The following GSG1L variants were observed in gnomAD, a reference collection of about 807,000 sequenced individuals.
The protein encoded by GSG1L is GSG1 like.
In GSG1L, 24 loss-of-function variants were observed where a neutral mutation model predicts 42.1. The ratio of observed to expected loss-of-function variants is 0.57; its 90% confidence interval spans 0.41 to 0.80. The LOEUF (loss-of-function observed/expected upper bound fraction) is 0.80, where lower values mean the gene tolerates loss of function less well. Among genes scored for constraint, GSG1L ranks in the 30% least tolerant of loss-of-function variants. GSG1L has a pLI of 0.00. For synonymous variants in GSG1L, 215 were observed against 203.5 expected (o/e 1.06, Z -0.48); for missense variants, 445 against 472.2 (o/e 0.94, Z 0.53).
chr16:27,971,206 T>A (rs937177705), intron 1 of GSG1L, among the ~76,000 whole-genome samples: 8 of 152,212 alleles, frequency 5.3e-5, no homozygotes, highest in African/African-American at 1.9e-4. Flanking sequence ...TGAAAGGGAT[T>A]GCACTGAATC....
intron 2 of GSG1L, among the ~76,000 whole-genome samples, chr16:27,909,384 T>C (rs2084355904): frequency 1.2e-5 from 1 of 81,374 alleles, no homozygotes. Flanking sequence ...TCTTTTTCTT[T>C]TTTTTTTTTT....
chr16:27,853,487 G>T (rs1006329452), intron 3 of GSG1L, among the ~76,000 whole-genome samples: 5 of 152,178 alleles, frequency 3.3e-5, no homozygotes, highest in Non-Finnish European at 7.4e-5. Flanking sequence ...GACACGGGGA[G>T]GGGGGTGAGC....
intron 2 of GSG1L, among the ~76,000 whole-genome samples, chr16:27,930,096 G>A (rs184333005): frequency 1.3e-5 from 2 of 152,052 alleles, no homozygotes; most frequent in South Asian, 2.1e-4. Context: ...CTCTGGGGTT[G>A]AAGGGCCTCC....
intron 2 of GSG1L, among the ~76,000 whole-genome samples, chr16:27,915,183 C>T (rs1236547777): frequency 1.4e-5 from 2 of 144,298 alleles, no homozygotes; most frequent in Non-Finnish European, 3.0e-5. Context: ...GGTGTCTCTT[C>T]CCCCAGAGGA....
intron 2 of GSG1L, among the ~76,000 whole-genome samples, chr16:27,918,244 T>G (rs966995150): frequency 6.6e-6 from 1 of 152,002 alleles, no homozygotes; most frequent in Non-Finnish European, 1.5e-5. Context: ...AGTCACAAAC[T>G]ACATGGCCTG....
intron 1 of GSG1L, among the ~76,000 whole-genome samples, chr16:28,006,008 G>A (rs2085633033): frequency 6.6e-6 from 1 of 152,152 alleles, no homozygotes; most frequent in Non-Finnish European, 1.5e-5. Context: ...TAATAGCAGA[G>A]AACCTTCCCC....
At chr16:27,961,192 C>T (rs535445606) in intron 2 of GSG1L, among the ~76,000 whole-genome samples, 1 of 152,350 alleles carries the variant, frequency 6.6e-6, no homozygotes, top group South Asian at 2.1e-4. Flanking sequence ...CACATGCTCA[C>T]CCAGCTCATC....
intron 2 of GSG1L, among the ~76,000 whole-genome samples, chr16:27,892,827 C>G (rs1052865678): frequency 2.1e-5 from 3 of 144,972 alleles, no homozygotes; most frequent in African/African-American, 7.6e-5. Flanking sequence ...TAAGGAAAAA[C>G]TAAGTCAATG....
At chr16:28,027,437 G>C (rs1408323657) in intron 1 of GSG1L, among the ~76,000 whole-genome samples, 1 of 152,126 alleles carries the variant, frequency 6.6e-6, no homozygotes, top group Non-Finnish European at 1.5e-5. Flanking sequence ...GCTTATGAGG[G>C]GCCACGTTAA....
intron 2 of GSG1L, among the ~76,000 whole-genome samples, chr16:27,917,063 T>C (rs538386902): frequency 6.6e-6 from 1 of 152,120 alleles, no homozygotes; most frequent in Non-Finnish European, 1.5e-5. Context: ...GCTTGCTTCG[T>C]GCTTTTTTTC....
At chr16:27,938,853 G>A (rs2084751731) in intron 2 of GSG1L, among the ~76,000 whole-genome samples, 1 of 152,174 alleles carries the variant, frequency 6.6e-6, no homozygotes, top group African/African-American at 2.4e-5. Context: ...ACAAAGAGCA[G>A]CCCAAGTACT....
At chr16:27,829,112 G>C (rs1327399501) in intron 4 of GSG1L, among the ~76,000 whole-genome samples, 156 bp from the exon 5 acceptor site, 2 of 152,176 alleles carry the variant, frequency 1.3e-5, no homozygotes, top group Non-Finnish European at 1.5e-5. Flanking sequence ...CTTGGTCCCT[G>C]CCCCACTCGC....
intron 2 of GSG1L, among the ~76,000 whole-genome samples, chr16:27,933,859 G>A (rs2084683933): frequency 1.3e-5 from 2 of 152,130 alleles, no homozygotes; most frequent in African/African-American, 4.8e-5. Context: ...CTGAGGTCCC[G>A]TAGCTGCTCA....
At chr16:27,845,614 G>C (rs2083434428) in intron 3 of GSG1L, among the ~76,000 whole-genome samples, 1 of 152,134 alleles carries the variant, frequency 6.6e-6, no homozygotes, top group Non-Finnish European at 1.5e-5. Flanking sequence ...TTTTCTCAGT[G>C]TTTTGTAGAC....
At chr16:27,875,206 C>T (rs919645290) in intron 3 of GSG1L, among the ~76,000 whole-genome samples, 4 of 152,144 alleles carry the variant, frequency 2.6e-5, no homozygotes, top group African/African-American at 9.7e-5. Flanking sequence ...GTTAATGTCT[C>T]AGGAGTGACC....
At chr16:27,872,938 C>A (rs9938617) in intron 3 of GSG1L, among the ~76,000 whole-genome samples, 48,005 of 152,010 alleles carry the variant, frequency 0.32, 7,768 homozygotes, top group African/African-American at 0.38. Flanking sequence ...CTTAATTGAG[C>A]AGCCCATACC....
chr16:27,964,686 G>A (rs1369144894), intron 1 of GSG1L, among the ~76,000 whole-genome samples: 1 of 152,138 alleles, frequency 6.6e-6, no homozygotes, highest in Non-Finnish European at 1.5e-5. Context: ...GACAAACTTT[G>A]CATGTTCTTA....
intron 3 of GSG1L, among the ~76,000 whole-genome samples, chr16:27,882,894 C>T (rs1470336170): frequency 6.6e-6 from 1 of 152,046 alleles, no homozygotes; most frequent in African/African-American, 2.4e-5. Flanking sequence ...TTACTTGAGC[C>T]CAGGAGTTGG....
chr16:27,941,441 C>T (rs553831767), intron 2 of GSG1L, among the ~76,000 whole-genome samples: 8 of 149,056 alleles, frequency 5.4e-5, no homozygotes, highest in South Asian at 4.3e-4. Context: ...GAGATCAAGG[C>T]GGGTGGATCA....
Sources: allele counts gnomAD v4.1 joint callset (sites outside exome capture counted in the v4.1 genomes callset), GRCh38; gene constraint gnomAD v4.1.1; transcripts MANE v1.5; gene names NCBI Gene and HGNC (gene_info 2026-07-23, HGNC 2026-07-21).